SERPINA6: variants seen among roughly 807,000 people sequenced by gnomAD.
SERPINA6 encodes the protein corticosteroid-binding globulin.
In SERPINA6, 19 loss-of-function variants were observed where a neutral mutation model predicts 26.4. That is an observed-to-expected ratio of 0.72 (90% confidence interval 0.50 to 1.06). The LOEUF (loss-of-function observed/expected upper bound fraction) is 1.06, where lower values mean the gene tolerates loss of function less well. SERPINA6 is among the 50% of genes least tolerant of loss of function. SERPINA6 has a pLI of 0.00. For synonymous variants in SERPINA6, 196 were observed against 199.4 expected, an observed-to-expected ratio of 0.98 and a Z score of 0.14; for missense variants, 473 against 504.0, an observed-to-expected ratio of 0.94 and a Z score of 0.59.
chr14:94,306,322 C>T (rs1895439986), intron 3 of SERPINA6, 104 bp from the exon 4 acceptor site: 7 of 1,185,996 alleles, frequency 5.9e-6, no homozygotes, highest in African/African-American at 1.5e-5. Context: ...CTCATGCGCT[C>T]CCTCCAGCTC....
intron 3 of SERPINA6, 122 bp from the exon 4 acceptor site, chr14:94,306,340 C>T (rs1895440269): frequency 9.8e-7 from 1 of 1,017,978 alleles, no homozygotes; most frequent in Non-Finnish European, 1.5e-6. Flanking sequence ...CTCCTGCCCT[C>T]CAGCCTGACT....
intron 2 of SERPINA6, among the ~76,000 whole-genome samples, chr14:94,310,216 G>T (rs1179872572): frequency 1.3e-5 from 2 of 152,200 alleles, no homozygotes; most frequent in African/African-American, 4.8e-5. Context: ...TTGAGGATGA[G>T]CTCTGTTTCT....
chr14:94,311,341 C>T (rs1895526470), intron 2 of SERPINA6, among the ~76,000 whole-genome samples: 1 of 152,186 alleles, frequency 6.6e-6, no homozygotes. Context: ...AGCAAAAAAA[C>T]AAAGTGGGTA....
At chr14:94,320,469 T>C (rs1895669740) in intron 1 of SERPINA6, among the ~76,000 whole-genome samples, 1 of 152,222 alleles carries the variant, frequency 6.6e-6, no homozygotes, top group African/African-American at 2.4e-5. Context: ...CCTATGTGTG[T>C]ATGTCACTTC....
At chr14:94,311,151 C>T (rs1298113822) in intron 2 of SERPINA6, among the ~76,000 whole-genome samples, 2 of 152,214 alleles carry the variant, frequency 1.3e-5, no homozygotes, top group Non-Finnish European at 2.9e-5. Flanking sequence ...CAGAGCTATG[C>T]TGGTCCCTTC....
At chr14:94,307,167 C>T (rs2139715445) in intron 3 of SERPINA6, among the ~76,000 whole-genome samples, 1 of 152,296 alleles carries the variant, frequency 6.6e-6, no homozygotes, top group African/African-American at 2.4e-5. Context: ...GGAAGGGAGA[C>T]CAATTTATCC....
chr14:94,318,251 T>A (rs1895637963), intron 1 of SERPINA6, among the ~76,000 whole-genome samples: 1 of 152,206 alleles, frequency 6.6e-6, no homozygotes, highest in Non-Finnish European at 1.5e-5. Flanking sequence ...TACTATCCAA[T>A]GCAGTCTATA....
intron 3 of SERPINA6, 108 bp downstream of exon 3, chr14:94,309,628 G>A: frequency 7.7e-7 from 1 of 1,294,366 alleles, no homozygotes; most frequent in Non-Finnish European, 1.1e-6. Context: ...GAGCCCTGGA[G>A]GGTGAGTCCA....
At chr14:94,315,141 G>A (rs185854335) in intron 1 of SERPINA6, among the ~76,000 whole-genome samples, 5 of 152,234 alleles carry the variant, frequency 3.3e-5, no homozygotes, top group East Asian at 1.9e-4. Context: ...ATTTTATTTC[G>A]GATTGAAATG....
chr14:94,310,069 C>T (rs754733239), intron 2 of SERPINA6, 63 bp from the exon 3 acceptor site: 312 of 1,537,790 alleles, frequency 2.0e-4, no homozygotes, highest in Non-Finnish European at 2.4e-4. Context: ...GGTGATCTCA[C>T]GGGCCTACTA....
intron 1 of SERPINA6, among the ~76,000 whole-genome samples, chr14:94,319,294 T>A (rs922871295): frequency 4.4e-4 from 43 of 98,244 alleles, no homozygotes; most frequent in South Asian, 9.4e-4. Context: ...TTAAAAAAAT[T>A]TTTTTTTTAA....
intron 2 of SERPINA6, among the ~76,000 whole-genome samples, chr14:94,312,958 G>A (rs1016549456): frequency 6.6e-5 from 10 of 152,190 alleles, no homozygotes; most frequent in Non-Finnish European, 1.5e-4. Flanking sequence ...TATTTTGGCT[G>A]TTTTACCTGC....
At chr14:94,318,113 G>A (rs905319309) in intron 1 of SERPINA6, among the ~76,000 whole-genome samples, 7 of 152,092 alleles carry the variant, frequency 4.6e-5, no homozygotes, top group African/African-American at 1.7e-4. Context: ...ATAAAATAGG[G>A]ATTAATCAGG....
chr14:94,314,112 C>T lies in SERPINA6; in HGVS notation c.537G>A (p.Gln179=). 2.5e-6 allele frequency: 4 copies of T among 1,614,206 alleles called. No individual in the cohort carries two copies. The highest frequency in any genetic ancestry group is 2.5e-6 in the Non-Finnish European group (3 of 1,180,032). Residue 179 remains glutamine, a synonymous_variant, in exon 2 of 5, where the codon CAG becomes CAA. Transcript: ENST00000341584. ...QINSYVKNKT[Q]GKIVDLFSGL... ...CTGAAAACAAGTCGACAATTTTCCC[C>T]TGTGTCTTATTCTTGACATAGCTGT...
chr14:94,304,529 G>A lies in SERPINA6; in HGVS notation c.1107C>T (p.Asn369=). The A allele has an allele frequency of 3.1e-6, 5 of 1,614,152 alleles. No individual in the cohort carries two copies. The highest frequency in any genetic ancestry group is 4.2e-6 in the Non-Finnish European group (5 of 1,180,010). The change falls in exon 5 of 5, where the codon AAC becomes AAT. Residue 369 remains asparagine, a synonymous_variant. Coordinates refer to ENST00000341584, the MANE Select transcript of SERPINA6 (RefSeq NM_001756.4). ...GCAAGATGATAGGCTTGGACGTCAG[G>A]TTTAGGGTGACCCCAGTGGAGCCAG... ...DTAGSTGVTL[N]LTSKPIILRF... is the part of the protein sequence containing the mutation.
chr14:94,317,074 T>C (rs1042194992), intron 1 of SERPINA6, among the ~76,000 whole-genome samples: 5 of 152,156 alleles, frequency 3.3e-5, no homozygotes, highest in South Asian at 2.1e-4. Flanking sequence ...TGCCTCCTCT[T>C]ATATATATTT....
At chr14:94,323,047 GA>G (rs1895706218) in intron 1 of SERPINA6, among the ~76,000 whole-genome samples, 1 of 152,248 alleles carries the variant, frequency 6.6e-6, no homozygotes, top group Non-Finnish European at 1.5e-5. Flanking sequence ...TGCATGGCAG[GA>G]ACCCAGGGGA....
chr14:94,308,551 C>G (rs1454026640), intron 3 of SERPINA6, among the ~76,000 whole-genome samples: 1 of 151,390 alleles, frequency 6.6e-6, no homozygotes, highest in Non-Finnish European at 1.5e-5. Context: ...AGCATCCCCC[C>G]TGCTTCTGAG....
chr14:94,317,739 AC>A (rs1360779311), intron 1 of SERPINA6, among the ~76,000 whole-genome samples: 1 of 152,146 alleles, frequency 6.6e-6, no homozygotes, highest in African/African-American at 2.4e-5. Context: ...TATTTATAAA[AC>A]CTTTTATACT....
Sources: allele counts gnomAD v4.1 joint callset (sites outside exome capture counted in the v4.1 genomes callset), GRCh38; gene constraint gnomAD v4.1.1; transcripts MANE v1.5; gene names NCBI Gene and HGNC (gene_info 2026-07-23, HGNC 2026-07-21).